Variants in PTPRD observed in about 807,000 individuals in gnomAD.
The protein encoded by PTPRD is receptor-type tyrosine-protein phosphatase delta.
Under a neutral mutation model 214.5 loss-of-function variants are expected in PTPRD, and 34 were observed. The ratio of observed to expected loss-of-function variants is 0.16; its 90% CI spans 0.12 to 0.21. The LOEUF is 0.21. Ranked by LOEUF, PTPRD falls within the 10% of genes least tolerant of loss-of-function variation. The pLI is 1.00. For missense variants in PTPRD, 2,545 were observed against 2,398.7 expected (o/e 1.06, Z -1.27); for synonymous variants, 1,128 against 845.7 (o/e 1.33, Z -5.79).
At chr9:10,214,192 A>C (rs1594414633) in intron 3 of PTPRD, among the ~76,000 whole-genome samples, 4 of 152,140 alleles carry the variant, frequency 2.6e-5, no homozygotes, top group African/African-American at 9.7e-5. Flanking sequence ...ATACTGTTAA[A>C]GGCTAGAAAA....
intron 10 of PTPRD, among the ~76,000 whole-genome samples, chr9:9,030,665 T>A (rs2099602333): frequency 6.6e-6 from 1 of 151,962 alleles, no homozygotes; most frequent in East Asian, 1.9e-4. Flanking sequence ...ATGTCATCAT[T>A]GTTTTTTTTA....
chr9:10,154,555 G>A (rs2154280999), intron 3 of PTPRD, among the ~76,000 whole-genome samples: 1 of 152,202 alleles, frequency 6.6e-6, no homozygotes, highest in Admixed American at 6.5e-5. Flanking sequence ...AACCCAGAAT[G>A]TTATTGCCTA....
intron 4 of PTPRD, among the ~76,000 whole-genome samples, chr9:9,959,126 C>G (rs911780634): frequency 6.6e-6 from 1 of 151,956 alleles, no homozygotes; most frequent in Non-Finnish European, 1.5e-5. Flanking sequence ...AATGAATAAA[C>G]AAATTGTAGT....
chr9:10,285,456 T>C (rs943998738), intron 3 of PTPRD, among the ~76,000 whole-genome samples: 1 of 152,130 alleles, frequency 6.6e-6, no homozygotes, highest in Non-Finnish European at 1.5e-5. Flanking sequence ...TTAACATGTG[T>C]CTAAAGTTAA....
chr9:8,760,049 G>C (rs913729983), intron 11 of PTPRD, among the ~76,000 whole-genome samples: 2 of 152,154 alleles, frequency 1.3e-5, no homozygotes, highest in Non-Finnish European at 2.9e-5. Context: ...CTTGTAGCTG[G>C]AATCTAAGGT....
intron 3 of PTPRD, among the ~76,000 whole-genome samples, chr9:10,090,919 T>TAC (rs1162698970): frequency 0.036 from 3,554 of 99,536 alleles, 51 homozygotes; most frequent in Non-Finnish European, 0.04. Flanking sequence ...AAATGAAATA[T>TAC]ACACACACAC....
At chr9:10,455,542 T>TC (rs2098906213) in intron 2 of PTPRD, among the ~76,000 whole-genome samples, 1 of 151,678 alleles carries the variant, frequency 6.6e-6, no homozygotes, top group Admixed American at 6.6e-5. Flanking sequence ...AAACCTGCCA[T>TC]CACCCACATT....
At position 9,683,434 on chromosome 9, in the gene PTPRD, G is replaced by A. The variant is rs554834245; in HGVS notation, c.-287+51099C>T. On this transcript the variant is annotated intron_variant, in intron 7 of 45. Transcript: ENST00000381196. ...CCAGCACCTGGTAAAACAGACTAGTGAGGAGATATAATAATCCAGGAAAAA... is the reference window on the plus strand; with the variant it reads ...CCAGCACCTGGTAAAACAGACTAGTAAGGAGATATAATAATCCAGGAAAAA... Among the ~76,000 whole-genome samples, 13 of 151,822 alleles carry A rather than the reference G, an allele frequency of 8.6e-5. No individual in the cohort carries two copies. In the East Asian group the frequency reaches 2.5e-3, roughly 29 times the overall value.
At chr9:10,151,429 A>G (rs920780405) in intron 3 of PTPRD, among the ~76,000 whole-genome samples, 1 of 151,484 alleles carries the variant, frequency 6.6e-6, no homozygotes, top group African/African-American at 2.4e-5. Flanking sequence ...CGCCCTGCTA[A>G]TTTTTGTATT....
At chr9:8,859,004 A>T (rs1352116892) in intron 11 of PTPRD, among the ~76,000 whole-genome samples, 10 of 152,150 alleles carry the variant, frequency 6.6e-5, no homozygotes, top group African/African-American at 1.9e-4. Context: ...AGGAGGAAAA[A>T]ATGCTGGTCG....
At chr9:9,657,223 T>C (rs534216314) in intron 7 of PTPRD, among the ~76,000 whole-genome samples, 2 of 151,902 alleles carry the variant, frequency 1.3e-5, no homozygotes, top group Admixed American at 1.3e-4. Context: ...TAGTAAAAAA[T>C]TGAGACAAAT....
intron 3 of PTPRD, among the ~76,000 whole-genome samples, chr9:10,201,998 C>T (rs900018711): frequency 6.6e-6 from 1 of 151,692 alleles, no homozygotes; most frequent in African/African-American, 2.4e-5. Context: ...AACATGTTTT[C>T]CAATATATTT....
chr9:8,425,287 G>C (rs2094588171), intron 35 of PTPRD, among the ~76,000 whole-genome samples: 1 of 152,140 alleles, frequency 6.6e-6, no homozygotes, highest in African/African-American at 2.4e-5. Flanking sequence ...TACTCATTTG[G>C]TCCCTCAGGT....
intron 3 of PTPRD, among the ~76,000 whole-genome samples, chr9:10,336,684 TA>T (rs1165083916): frequency 1.3e-5 from 2 of 149,924 alleles, no homozygotes; most frequent in East Asian, 2.0e-4. Flanking sequence ...AAAGAATGAA[TA>T]AAAAAAATCG....
At chr9:10,017,202 A>C (rs1257004751) in intron 4 of PTPRD, among the ~76,000 whole-genome samples, 2 of 152,042 alleles carry the variant, frequency 1.3e-5, no homozygotes, top group Admixed American at 6.6e-5. Context: ...ATTGTGTTTA[A>C]TTTGCATTTA....
chr9:10,443,299 G>A (rs964409612), intron 2 of PTPRD, among the ~76,000 whole-genome samples: 11 of 151,538 alleles, frequency 7.3e-5, no homozygotes, highest in African/African-American at 2.7e-4. Flanking sequence ...ATAAAGTAAT[G>A]TCTGATGATA....
At chr9:8,942,137 A>G (rs938216018) in intron 11 of PTPRD, among the ~76,000 whole-genome samples, 2 of 152,174 alleles carry the variant, frequency 1.3e-5, no homozygotes, top group Admixed American at 6.5e-5. Context: ...ACCTGCTAGC[A>G]TGATTTTGAT....
intron 10 of PTPRD, among the ~76,000 whole-genome samples, chr9:9,146,291 A>G (rs780673673): frequency 6.6e-6 from 1 of 152,144 alleles, no homozygotes; most frequent in African/African-American, 2.4e-5. Context: ...GTCAAGCTCA[A>G]TTACATATTT....
chr9:9,657,440 C>T (rs144722160), intron 7 of PTPRD, among the ~76,000 whole-genome samples: 16 of 151,916 alleles, frequency 1.1e-4, no homozygotes, highest in African/African-American at 1.5e-4. Context: ...CATCACACAC[C>T]GGGGGCCTGT....
Sources: gnomAD v4.1 joint callset for allele counts (sites outside exome capture counted in the v4.1 genomes callset) on GRCh38, gnomAD v4.1.1 for gene constraint, MANE v1.5 for transcripts, NCBI Gene and HGNC (gene_info 2026-07-23, HGNC 2026-07-21) for gene names.